PKD2L1: variants seen among roughly 807,000 people sequenced by gnomAD.
PKD2L1 encodes the protein polycystin-2-like protein 1.
In PKD2L1, 77 loss-of-function variants were observed where a neutral mutation model predicts 93.0. That is an observed-to-expected ratio of 0.83 (90% CI 0.69 to 1.00). PKD2L1 has a LOEUF of 1.00. Ranked by LOEUF, PKD2L1 falls within the 50% of genes least tolerant of loss-of-function variation. The probability of loss-of-function intolerance (pLI) is 0.00; values close to 1 mark genes in which losing one functional copy is unlikely to be tolerated. For missense variants in PKD2L1, 977 were observed against 990.9 expected (o/e 0.99, Z 0.19); for synonymous variants, 390 against 388.0 (o/e 1.01, Z -0.06).
At position 100,330,086 on chromosome 10, in the gene PKD2L1, AC is replaced by A; in HGVS notation, c.17del (p.Ser6IlefsTer30). 6.3e-7 allele frequency: 1 copy of A among 1,588,030 alleles called. No homozygotes were observed. The highest frequency in any genetic ancestry group is 1.3e-5 in the African/African-American group (1 of 74,432). On this transcript the variant is annotated frameshift_variant, in exon 1 of 16. Transcript: ENST00000318222. LOFTEE classifies it high-confidence loss of function. ...GCTTTTGCAGCTCCTGCCCCTCAGG[AC>A]TTCCCACAGCATTCATGGGGAATGA... MNAVG[S>X]PEGQELQKLG...
intron 2 of PKD2L1, among the ~76,000 whole-genome samples, chr10:100,315,025 G>C (rs1431538289): frequency 2.0e-4 from 2 of 10,116 alleles, no homozygotes; most frequent in Non-Finnish European, 3.3e-4. Context: ...GGAAGGGAAG[G>C]GAAGGGAAGG....
At chr10:100,300,563 TTAAG>T (rs1848652344) in intron 2 of PKD2L1, among the ~76,000 whole-genome samples, 1 of 152,186 alleles carries the variant, frequency 6.6e-6, no homozygotes, top group South Asian at 2.1e-4. Flanking sequence ...GTCCTTCAAT[TTAAG>T]TTAGTCTAAT....
intron 4 of PKD2L1, among the ~76,000 whole-genome samples, chr10:100,297,908 T>G (rs1482292113): frequency 2.6e-5 from 4 of 151,886 alleles, no homozygotes; most frequent in Non-Finnish European, 4.4e-5. Flanking sequence ...GAACTGAAAC[T>G]CAAATGTAAA....
intron 6 of PKD2L1, 84 bp downstream of exon 6, chr10:100,296,896 A>G: frequency 1.2e-6 from 1 of 865,870 alleles, no homozygotes. Flanking sequence ...TTAGGGCTCC[A>G]AAAGGAAGAA....
At position 100,302,215 on chromosome 10, in the gene PKD2L1, C is replaced by T. The variant is rs541848300; in HGVS notation, c.350-2497G>A. Among the ~76,000 whole-genome samples the T allele has an allele frequency of 1.2e-3, 174 of 150,078 alleles. 1 individual carries two copies. The highest frequency in any genetic ancestry group is 2.2e-3 in the Non-Finnish European group (149 of 67,790). On this transcript the variant is annotated intron_variant, in intron 2 of 15. Transcript: ENST00000318222. Reference sequence around the variant, plus strand: ...CTCTTCAGAAGAGCTTTCCCTTATTCCTAATTCATGTATTCATGCATACAC... The same window carrying T: ...CTCTTCAGAAGAGCTTTCCCTTATTTCTAATTCATGTATTCATGCATACAC...
chr10:100,297,747 T>A (rs917026206), intron 4 of PKD2L1, 141 bp from the exon 5 acceptor site: 2 of 598,030 alleles, frequency 3.3e-6, no homozygotes, highest in Non-Finnish European at 5.9e-6. Context: ...TGTGTGTGTA[T>A]GAGATATGTG....
At chr10:100,325,571 G>A (rs990775660) in intron 2 of PKD2L1, among the ~76,000 whole-genome samples, 5 of 152,126 alleles carry the variant, frequency 3.3e-5, no homozygotes, top group African/African-American at 4.8e-5. Flanking sequence ...TTGTGGGTGC[G>A]GACTTTAATT....
chr10:100,288,375 TG>T lies in PKD2L1; in HGVS notation c.*20del. On this transcript the variant is annotated 3_prime_UTR_variant, in exon 16 of 16. Transcript: ENST00000318222. Reference sequence around the variant, plus strand: ...CTTGCAGAAGATCCTTCATAGACTTTGCTCCGGGAGTGCCTCACACTTAACT... The same window carrying T: ...CTTGCAGAAGATCCTTCATAGACTTTCTCCGGGAGTGCCTCACACTTAACT... 1 of 1,527,658 alleles carries T rather than the reference TG, an allele frequency of 6.5e-7. No homozygotes were observed. Among genetic ancestry groups the T allele is most frequent in the Non-Finnish European group, 9.1e-7 (1 of 1,101,162 alleles). 94.6% of individuals were successfully genotyped at this position (1,527,658 alleles called of 1,614,324 possible). A position where few individuals can be genotyped will look rare whatever the true frequency, so the allele number is the denominator to read the frequency against.
At chr10:100,303,215 C>T (rs1252084647) in intron 2 of PKD2L1, among the ~76,000 whole-genome samples, 2 of 85,554 alleles carry the variant, frequency 2.3e-5, no homozygotes, top group East Asian at 3.7e-4. Context: ...TTTTTTGAGA[C>T]GGAGTTTCAC....
rs760543616 is a variant in PKD2L1, at chr10:100,299,612, G to T, written c.456C>A (p.Ser152Arg). ...TCACATCCCAGAAGTCCGCCATGCT[G>T]CTGATGGCCTGAAAGGAGACTCCAG... ...SDTGVSFQAISSMADFWDFAQ... is the reference protein window; with the variant it reads ...SDTGVSFQAIRSMADFWDFAQ... Residue 152 changes from serine to arginine, a missense_variant, in exon 3 of 16, where the codon AGC (serine) becomes AGA (arginine). Ser to Arg is a moderately radical substitution (Grantham distance 110, BLOSUM62 -1). Coordinates refer to ENST00000318222, the MANE Select transcript of PKD2L1 (RefSeq NM_016112.3). 3.7e-6 allele frequency: 6 copies of T among 1,613,786 alleles called. No homozygotes were observed. In the South Asian group the frequency reaches 5.5e-5, roughly 15 times the overall value.
rs371149351 is a variant in PKD2L1, at chr10:100,293,002, A to G, written c.1826T>C (p.Leu609Pro). 1.2e-6 allele frequency: 2 copies of G among 1,614,102 alleles called. No homozygotes were observed. Among genetic ancestry groups the G allele is most frequent in the Non-Finnish European group, 1.7e-6 (2 of 1,180,036 alleles). Residue 609 changes from leucine (L) to proline (P), a missense_variant, in exon 11 of 16, where the codon CTG becomes CCG. Physicochemically the swap from Leu to Pro is moderately conservative, Grantham distance 98 (BLOSUM62 -3). Transcript: ENST00000318222. ...CTGGATCTCCTGCTCCCCACCCTGC[A>G]GGACCTTCTGCACATCCGAAACCCT... ...KERVSDVQKV[L>P]QGGEQEIQFE...
intron 2 of PKD2L1, among the ~76,000 whole-genome samples, chr10:100,301,307 A>G (rs963262687): frequency 4.6e-5 from 7 of 152,192 alleles, no homozygotes; most frequent in African/African-American, 1.4e-4. Context: ...ACAGGGTTCA[A>G]GAGCAGAGAA....
intron 2 of PKD2L1, among the ~76,000 whole-genome samples, chr10:100,325,748 A>C (rs1249654222): frequency 6.6e-6 from 1 of 152,170 alleles, no homozygotes; most frequent in Non-Finnish European, 1.5e-5. Flanking sequence ...ATGATGCCAC[A>C]TTTATAGTTT....
At chr10:100,295,543 C>A (rs947518535) in intron 7 of PKD2L1, among the ~76,000 whole-genome samples, 1 of 151,064 alleles carries the variant, frequency 6.6e-6, no homozygotes, top group African/African-American at 2.4e-5. Flanking sequence ...ACCAGCCTGG[C>A]CAACATGGTG....
intron 2 of PKD2L1, among the ~76,000 whole-genome samples, chr10:100,321,131 T>C (rs988590004): frequency 6.6e-6 from 1 of 151,932 alleles, no homozygotes; most frequent in Non-Finnish European, 1.5e-5. Flanking sequence ...GAGGGATGAC[T>C]TGAGCTCAGG....
intron 2 of PKD2L1, among the ~76,000 whole-genome samples, chr10:100,305,202 C>G (rs1235289998): frequency 6.6e-6 from 1 of 151,520 alleles, no homozygotes; most frequent in African/African-American, 2.4e-5. Context: ...ACCTCTGCCT[C>G]CCGGGTTCAA....
At chr10:100,294,419 C>A (rs540900802) in intron 9 of PKD2L1, 116 bp downstream of exon 9, 114 of 1,083,660 alleles carry the variant, frequency 1.1e-4, no homozygotes, top group East Asian at 3.9e-4. Context: ...TCGGCCCCCC[C>A]ACTCACTCTC....
chr10:100,294,412 G>GC (rs1213189780), intron 9 of PKD2L1, 123 bp downstream of exon 9: 34 of 1,012,254 alleles, frequency 3.4e-5, no homozygotes, highest in East Asian at 7.4e-5. Context: ...CCAGACATCG[G>GC]CCCCCCCACT....
intron 14 of PKD2L1, 98 bp downstream of exon 14, chr10:100,289,917 T>C (rs1396324982): frequency 4.5e-6 from 6 of 1,346,138 alleles, no homozygotes; most frequent in South Asian, 2.4e-5. Context: ...CCTGAAAACA[T>C]AGGTCTTTCA....
Sources: allele counts gnomAD v4.1 joint callset (sites outside exome capture counted in the v4.1 genomes callset), GRCh38; gene constraint gnomAD v4.1.1; transcripts MANE v1.5; gene names NCBI Gene and HGNC (gene_info 2026-07-23, HGNC 2026-07-21).